Variants in NCOR2 observed in about 807,000 individuals in gnomAD.
NCOR2 encodes nuclear receptor corepressor 2, also known as CTG repeat protein 26.
A neutral mutation model predicts 262.9 loss-of-function variants in NCOR2; 81 were observed. That is an observed-to-expected ratio of 0.31 (90% CI 0.26 to 0.37). The LOEUF (loss-of-function observed/expected upper bound fraction) is 0.37. Ranked by LOEUF, NCOR2 falls within the 10% of genes least tolerant of loss-of-function variation. NCOR2 has a pLI of 1.00. For synonymous variants in NCOR2, 1,659 were observed against 1,559.3 expected (o/e 1.06, Z -1.51); for missense variants, 3,385 against 3,621.4 (o/e 0.93, Z 1.68).
In NCOR2 at chr12:124,530,302, T is replaced by C. The variant is rs573181361; in HGVS notation, c.-118+5263A>G. 6 of 138,088 alleles carry C rather than the reference T, an allele frequency of 4.3e-5. No homozygotes were observed. In the South Asian group the frequency reaches 1.4e-3, roughly 33 times the overall value. 8.6% of individuals were successfully genotyped at this position (138,088 alleles called of 1,614,324 possible). ...TCTAGTCGGGGGTGGGGGGTGGAGG[T>C]GGGTGCTAGAGATTTAGTGCCAAGG... On this transcript the variant is annotated intron_variant, in intron 1 of 46. Transcript: ENST00000404621.
At chr12:124,485,176 G>A (rs2136815226) in intron 2 of NCOR2, among the ~76,000 whole-genome samples, 1 of 152,276 alleles carries the variant, frequency 6.6e-6, no homozygotes, top group Admixed American at 6.5e-5. Flanking sequence ...AAAATCCACG[G>A]CCACTGGAAC....
intron 1 of NCOR2, among the ~76,000 whole-genome samples, chr12:124,564,852 G>A (rs1005838416): frequency 1.3e-5 from 2 of 151,928 alleles, no homozygotes; most frequent in Non-Finnish European, 2.9e-5. Context: ...CTGGGGGCCA[G>A]GACTCCTGGG....
chr12:124,441,218 A>C (rs2044783610), intron 7 of NCOR2, among the ~76,000 whole-genome samples: 1 of 152,228 alleles, frequency 6.6e-6, no homozygotes, highest in Non-Finnish European at 1.5e-5. Context: ...GCCAGGAAGT[A>C]TGCAAGAAGA....
At chr12:124,521,769 G>A (rs2050204296) in intron 1 of NCOR2, among the ~76,000 whole-genome samples, 1 of 152,200 alleles carries the variant, frequency 6.6e-6, no homozygotes, top group Non-Finnish European at 1.5e-5. Context: ...CACCTCAACT[G>A]AAAATAAATA....
At chr12:124,346,325 T>G (rs2036925889) in intron 31 of NCOR2, among the ~76,000 whole-genome samples, 2 of 152,190 alleles carry the variant, frequency 1.3e-5, no homozygotes, top group South Asian at 2.1e-4. Flanking sequence ...GGGACTCAGT[T>G]TCCCTCCCTG....
Position 124,531,548 on chromosome 12 carries a change from C to T in NCOR2, c.-118+4017G>A, listed in dbSNP as rs2050775846. On this transcript the variant is annotated intron_variant, in intron 1 of 46. Coordinates refer to the NCOR2 transcript ENST00000404621. This position sits in a 1 kb window ranked among gnomAD's most constrained non-coding sequence, Gnocchi z 4.5. ...GAAGGGGGAGGGGAGGAAGGGATTG[C>T]AGGGAGCCCCCGCCCAGGGCTGAGC... Among the ~76,000 whole-genome samples the T allele has an allele frequency of 1.3e-5, 2 of 152,094 alleles. No individual in the cohort carries two copies. The highest frequency in any genetic ancestry group is 1.3e-4 in the Admixed American group (2 of 15,282).
chr12:124,340,847 C>G, intron 34 of NCOR2, 96 bp from the exon 37 acceptor site: 1 of 1,206,894 alleles, frequency 8.3e-7, no homozygotes, highest in Non-Finnish European at 1.1e-6. Context: ...ACGGCACACA[C>G]TCCTGGAGCC....
At chr12:124,423,409 G>A (rs942768712) in intron 11 of NCOR2, among the ~76,000 whole-genome samples, 2 of 152,194 alleles carry the variant, frequency 1.3e-5, no homozygotes, top group African/African-American at 4.8e-5. Context: ...ACCAGTGCCC[G>A]ACCTGCCTGG....
chr12:124,383,172 T>A (rs939240599), intron 17 of NCOR2, among the ~76,000 whole-genome samples: 1 of 152,186 alleles, frequency 6.6e-6, no homozygotes, highest in Non-Finnish European at 1.5e-5. Context: ...TGTATTCCCA[T>A]AACAGCCCTT....
chr12:124,490,473 T>G (rs1347939813), intron 1 of NCOR2, among the ~76,000 whole-genome samples: 1 of 149,726 alleles, frequency 6.7e-6, no homozygotes, highest in African/African-American at 2.5e-5. Context: ...TCTCCCAGCA[T>G]GGGAGCTCCC....
chr12:124,532,457 C>G (rs1038038051), intron 1 of NCOR2, among the ~76,000 whole-genome samples: 1 of 152,198 alleles, frequency 6.6e-6, no homozygotes. Flanking sequence ...GCCTTGCCTT[C>G]GGGCTGAGGA....
chr12:124,536,613 A>G (rs1297389667), upstream of NCOR2, among the ~76,000 whole-genome samples: 1 of 152,196 alleles, frequency 6.6e-6, no homozygotes, highest in Non-Finnish European at 1.5e-5. Flanking sequence ...ACGAAAGACC[A>G]CTGCTCACCC....
At position 124,426,804 on chromosome 12, in the gene NCOR2, C is replaced by T. The variant is rs745625001; in HGVS notation, c.1150-4G>A. On this transcript the variant is annotated splice_region_variant and splice_polypyrimidine_tract_variant and intron_variant, in intron 10 of 46. Transcript: ENST00000405201. The stretch of plus-strand genomic sequence containing the variant: ...GGCGCATCTGCTTCTCCAGGTTCTG[C>T]AGGGAAACGGAGGGCAGGGTCAGAG... The T allele has an allele frequency of 2.5e-5, 39 of 1,570,220 alleles. No homozygotes were observed. Among genetic ancestry groups the T allele is most frequent in the Non-Finnish European group, 3.3e-5 (38 of 1,149,658 alleles).
chr12:124,423,289 C>G (rs977114569), intron 11 of NCOR2, among the ~76,000 whole-genome samples: 9 of 152,182 alleles, frequency 5.9e-5, no homozygotes, highest in African/African-American at 2.2e-4. Flanking sequence ...TGGCCCCAGG[C>G]CCAGGCGTCC....
chr12:124,498,874 A>G (rs574238250), upstream of NCOR2, among the ~76,000 whole-genome samples: 11 of 152,226 alleles, frequency 7.2e-5, no homozygotes, highest in Non-Finnish European at 1.3e-4. Context: ...TGAACCAAAG[A>G]GGCCAGACAC....
intron 1 of NCOR2, among the ~76,000 whole-genome samples, chr12:124,508,676 G>A (rs1473314591): frequency 2.6e-5 from 4 of 152,180 alleles, no homozygotes; most frequent in South Asian, 2.1e-4. Flanking sequence ...GGGGGTCCAC[G>A]GCATCCAAAT....
chr12:124,339,379 C>CCTAT (rs1379851779), intron 37 of NCOR2, among the ~76,000 whole-genome samples: 1 of 145,400 alleles, frequency 6.9e-6, no homozygotes, highest in African/African-American at 2.6e-5. Flanking sequence ...TACCTACCTA[C>CCTAT]CTACCTACCT....
intron 16 of NCOR2, among the ~76,000 whole-genome samples, chr12:124,390,855 A>G (rs1308176593): frequency 6.6e-6 from 1 of 152,276 alleles, no homozygotes; most frequent in Non-Finnish European, 1.5e-5. Flanking sequence ...GTCAGGAGGC[A>G]GGAACTAGGA....
At chr12:124,340,361 A>G in exon 36 of NCOR2, 1 of 1,612,936 alleles carries the variant, frequency 6.2e-7, no homozygotes, top group Non-Finnish European at 8.5e-7. Flanking sequence ...CCCGCTCCCG[A>G]TCCCGGTCCC....
Sources: allele counts gnomAD v4.1 joint callset (sites outside exome capture counted in the v4.1 genomes callset), GRCh38; gene constraint gnomAD v4.1.1; non-coding constraint Gnocchi (gnomAD v3.1); transcripts MANE v1.5; gene names NCBI Gene and HGNC (gene_info 2026-07-23, HGNC 2026-07-21).